THSD4: variants seen among roughly 807,000 people sequenced by gnomAD.
The protein encoded by THSD4 is thrombospondin type-1 domain-containing protein 4.
In THSD4, 69 loss-of-function variants were observed where a neutral mutation model predicts 119.0. The observed-to-expected ratio is 0.58, with a 90% CI of 0.48 to 0.71. THSD4 has a LOEUF of 0.71. Among genes scored for constraint, THSD4 ranks in the 30% least tolerant of loss-of-function variants. The probability of loss-of-function intolerance (pLI) is 0.00; values close to 1 mark genes in which losing one functional copy is unlikely to be tolerated. For synonymous variants in THSD4, 524 were observed against 540.4 expected (o/e 0.97, Z 0.42); for missense variants, 1,393 against 1,391.1 (o/e 1.00, Z -0.02).
chr15:71,410,866 T>A (rs898077787), intron 6 of THSD4, among the ~76,000 whole-genome samples: 1 of 150,370 alleles, frequency 6.7e-6, no homozygotes, highest in African/African-American at 2.5e-5. Flanking sequence ...ACCCTGTCAC[T>A]ACTAAAAAAT....
intron 3 of THSD4, among the ~76,000 whole-genome samples, chr15:71,174,405 AC>A (rs369921327): frequency 1.3e-3 from 193 of 149,360 alleles, no homozygotes; most frequent in African/African-American, 4.6e-3. Flanking sequence ...GGTCACTCCC[AC>A]CCGAATATTG....
At chr15:71,541,182 A>G (rs1402015387) in intron 7 of THSD4, among the ~76,000 whole-genome samples, 3 of 152,188 alleles carry the variant, frequency 2.0e-5, no homozygotes, top group African/African-American at 7.2e-5. Context: ...TTAATACTAT[A>G]TTTTTTTAAC....
At chr15:71,405,037 C>G (rs13329459) in intron 6 of THSD4, among the ~76,000 whole-genome samples, 2 of 151,866 alleles carry the variant, frequency 1.3e-5, no homozygotes, top group Middle Eastern at 3.2e-3. Flanking sequence ...TACAGATGTG[C>G]GCAACCATGC....
chr15:71,441,070 A>G (rs1478062692), intron 7 of THSD4, among the ~76,000 whole-genome samples: 1 of 152,174 alleles, frequency 6.6e-6, no homozygotes, highest in African/African-American at 2.4e-5. Flanking sequence ...CCTCTTATCT[A>G]TAAATTTGAG....
At chr15:71,529,484 C>A (rs931122164) in intron 7 of THSD4, among the ~76,000 whole-genome samples, 5 of 152,176 alleles carry the variant, frequency 3.3e-5, no homozygotes, top group Non-Finnish European at 5.9e-5. Context: ...GAATGAGGTT[C>A]TCTGTCAGCA....
At chr15:71,135,895 G>T (rs139538635) in intron 1 of THSD4, among the ~76,000 whole-genome samples, 172 of 151,830 alleles carry the variant, frequency 1.1e-3, no homozygotes, top group African/African-American at 3.9e-3. Flanking sequence ...TTGGATCCCC[G>T]GTCCTGTCCT....
intron 7 of THSD4, among the ~76,000 whole-genome samples, chr15:71,499,078 A>G (rs754135767): frequency 3.4e-4 from 51 of 152,084 alleles, no homozygotes; most frequent in Non-Finnish European, 4.0e-4. Flanking sequence ...TGACAAATCA[A>G]TTCTAAGTGC....
chr15:71,248,978 A>G (rs2044231534), intron 5 of THSD4, among the ~76,000 whole-genome samples: 2 of 152,180 alleles, frequency 1.3e-5, no homozygotes. Context: ...TCTTATCATG[A>G]GCTTATCATC....
At chr15:71,524,161 T>C (rs1012518001) in intron 7 of THSD4, among the ~76,000 whole-genome samples, 2 of 152,162 alleles carry the variant, frequency 1.3e-5, no homozygotes, top group Admixed American at 6.5e-5. Flanking sequence ...TTCAGAAAGA[T>C]GGAATGAAGA....
chr15:71,174,237 C>A (rs941349628), intron 3 of THSD4, among the ~76,000 whole-genome samples: 39 of 152,244 alleles, frequency 2.6e-4, no homozygotes, highest in African/African-American at 9.1e-4. Context: ...TCTGAGGTAC[C>A]GGGTTCATCT....
intron 8 of THSD4, among the ~76,000 whole-genome samples, chr15:71,710,659 A>G (rs1223554997): frequency 6.6e-6 from 1 of 152,218 alleles, no homozygotes; most frequent in Non-Finnish European, 1.5e-5. Flanking sequence ...AAAGTTCCCA[A>G]GCTCTGCATT....
intron 5 of THSD4, among the ~76,000 whole-genome samples, chr15:71,250,145 A>G (rs2044244999): frequency 6.6e-6 from 1 of 152,118 alleles, no homozygotes; most frequent in Non-Finnish European, 1.5e-5. Flanking sequence ...TATTATGGCA[A>G]ATTTTTCTTT....
At chr15:71,351,890 G>GT (rs1209071049) in intron 6 of THSD4, among the ~76,000 whole-genome samples, 1 of 152,196 alleles carries the variant, frequency 6.6e-6, no homozygotes, top group Admixed American at 6.5e-5. Flanking sequence ...ATGGTAATGT[G>GT]TTTACCCTTC....
At position 71,660,700 on chromosome 15, in the gene THSD4, C is replaced by A. The variant is rs1212387175; in HGVS notation, c.1323C>A (p.Asn441Lys). 6.2e-7 allele frequency: 1 copy of A among 1,614,020 alleles called. No individual in the cohort carries two copies. The highest frequency in any genetic ancestry group is 1.7e-5 in the Admixed American group (1 of 60,004). The change falls in exon 8 of 18, where the codon AAC becomes AAA. Residue 441 changes from asparagine to lysine, a missense_variant. Transcript: ENST00000261862. ...TTCCCGAGGGAGCCACGAAAATCAA[C>A]ATCACGGAGATGTACAAGAGCAACA... ...VEIPEGATKI[N>K]ITEMYKSNNY... is the part of the protein sequence containing the mutation.
intron 7 of THSD4, among the ~76,000 whole-genome samples, chr15:71,612,769 G>A (rs1294536962): frequency 6.6e-6 from 1 of 152,184 alleles, no homozygotes; most frequent in Non-Finnish European, 1.5e-5. Context: ...GCATTGATAT[G>A]GCTCAAAGGT....
Position 71,129,898 on chromosome 15 carries a change from G to C in THSD4, c.-79-11551G>C, listed in dbSNP as rs192013726. 2.6e-5 allele frequency among the ~76,000 whole-genome samples: 4 copies of C among 152,350 alleles called. No homozygotes were observed. In the East Asian group the frequency reaches 7.7e-4, roughly 29 times the overall value. ...GGCAGATCCTTTCCCTTGATATTCA[G>C]AAGCATTGAGGGCAGCATGTGTGGT... On this transcript the variant is annotated intron_variant, in intron 1 of 17. Coordinates refer to ENST00000261862, the MANE Select transcript of THSD4 (RefSeq NM_024817.3).
chr15:71,206,627 A>G (rs562476655), intron 3 of THSD4, among the ~76,000 whole-genome samples: 1 of 152,356 alleles, frequency 6.6e-6, no homozygotes, highest in Non-Finnish European at 1.5e-5. Flanking sequence ...AAAGAGAATT[A>G]GAAACCAGTG....
chr15:71,667,877 T>G (rs1376597686), intron 8 of THSD4, among the ~76,000 whole-genome samples: 1 of 152,212 alleles, frequency 6.6e-6, no homozygotes, highest in African/African-American at 2.4e-5. Flanking sequence ...ATAACCACTG[T>G]TCACAGTTCA....
intron 5 of THSD4, among the ~76,000 whole-genome samples, chr15:71,247,224 T>C (rs1390751740): frequency 6.6e-6 from 1 of 151,418 alleles, no homozygotes; most frequent in Non-Finnish European, 1.5e-5. Flanking sequence ...TTTATTTTTG[T>C]TGTTTTTTTG....
Sources: gnomAD v4.1 joint callset for allele counts (sites outside exome capture counted in the v4.1 genomes callset) on GRCh38, gnomAD v4.1.1 for gene constraint, MANE v1.5 for transcripts, NCBI Gene and HGNC (gene_info 2026-07-23, HGNC 2026-07-21) for gene names.